Variants in TMX3 observed in about 807,000 individuals in gnomAD.
The protein encoded by TMX3 is thioredoxin related transmembrane protein 3.
In TMX3, 40 loss-of-function variants were observed where a neutral mutation model predicts 64.4. That is an observed-to-expected ratio of 0.62 (90% CI 0.48 to 0.81). TMX3 has a LOEUF of 0.81. Among genes scored for constraint, TMX3 ranks in the 30% least tolerant of loss-of-function variants. The pLI is 0.00. For missense variants in TMX3, 497 were observed against 534.5 expected (o/e 0.93, Z 0.69); for synonymous variants, 189 against 175.7 (o/e 1.08, Z -0.60).
chr18:68,689,814 T>TA (rs1464907554), intron 9 of TMX3: 1 of 152,230 alleles, frequency 6.6e-6, no homozygotes, highest in Non-Finnish European at 1.5e-5. Context: ...GCTATTTAAT[T>TA]ACACACCTGT....
intron 8 of TMX3, among the ~76,000 whole-genome samples, chr18:68,696,048 T>C (rs1045613178): frequency 9.2e-5 from 14 of 152,206 alleles, no homozygotes; most frequent in Admixed American, 9.2e-4. Context: ...CTCCTTCATA[T>C]CACGTAAAAG....
intron 8 of TMX3, among the ~76,000 whole-genome samples, chr18:68,692,604 T>C (rs1390143224): frequency 6.6e-6 from 1 of 152,220 alleles, no homozygotes; most frequent in Non-Finnish European, 1.5e-5. Flanking sequence ...TTATGGGCTT[T>C]GCACTTATTT....
At chr18:68,703,228 C>A (rs1414747854) in intron 4 of TMX3, among the ~76,000 whole-genome samples, 1 of 152,148 alleles carries the variant, frequency 6.6e-6, no homozygotes, top group African/African-American at 2.4e-5. Context: ...GAAATAAAAT[C>A]CCTTATTACC....
intron 10 of TMX3, chr18:68,687,270 A>C (rs1057388110): frequency 1.0e-6 from 1 of 985,304 alleles, no homozygotes; most frequent in African/African-American, 1.7e-5. Context: ...ACTTGAAGAA[A>C]CCATGCCAAT....
At chr18:68,688,974 A>G (rs987004165) in intron 9 of TMX3, 1 of 152,218 alleles carries the variant, frequency 6.6e-6, no homozygotes, top group Non-Finnish European at 1.5e-5. Context: ...TGACGGGATC[A>G]TTTGTACCCC....
intron 4 of TMX3, among the ~76,000 whole-genome samples, chr18:68,706,693 A>G (rs1442372041): frequency 6.6e-6 from 1 of 152,180 alleles, no homozygotes; most frequent in Non-Finnish European, 1.5e-5. Flanking sequence ...CTACAGGTAG[A>G]CTTAGAATAA....
intron 4 of TMX3, among the ~76,000 whole-genome samples, chr18:68,702,984 T>A (rs979645445): frequency 1.3e-5 from 2 of 152,190 alleles, no homozygotes; most frequent in Non-Finnish European, 2.9e-5. Flanking sequence ...AATTAAGAAC[T>A]CAAGTTCTGA....
chr18:68,714,668 C>T (rs1337326162), intron 1 of TMX3, among the ~76,000 whole-genome samples: 1 of 152,242 alleles, frequency 6.6e-6, no homozygotes, highest in Non-Finnish European at 1.5e-5. Flanking sequence ...AAACTTCTGC[C>T]ACAATGAGAA....
chr18:68,714,586 C>A (rs1217639241), intron 1 of TMX3: 139 of 377,020 alleles, frequency 3.7e-4, no homozygotes, highest in African/African-American at 2.8e-3. Context: ...GAACCTAAAG[C>A]CAAGGCAAGA....
intron 1 of TMX3, among the ~76,000 whole-genome samples, 154 bp from the exon 2 acceptor site, chr18:68,714,054 G>A (rs1568209911): frequency 6.6e-6 from 1 of 152,124 alleles, no homozygotes; most frequent in Non-Finnish European, 1.5e-5. Context: ...CAAAAGCAAA[G>A]GTAGTTCATC....
intron 2 of TMX3, among the ~76,000 whole-genome samples, chr18:68,711,658 C>A (rs775807943): frequency 6.6e-6 from 1 of 152,154 alleles, no homozygotes; most frequent in African/African-American, 2.4e-5. Flanking sequence ...GGTAGAAACA[C>A]AAACAGATGC....
chr18:68,682,663 A>G (rs1225611510), intron 13 of TMX3, among the ~76,000 whole-genome samples: 2 of 152,104 alleles, frequency 1.3e-5, no homozygotes, highest in Non-Finnish European at 2.9e-5. Flanking sequence ...CACGTTTTGG[A>G]ATAATGGCTT....
At chr18:68,700,948 A>T (rs2029997960) in intron 5 of TMX3, 5 of 984,918 alleles carry the variant, frequency 5.1e-6, no homozygotes, top group Non-Finnish European at 6.0e-6. Context: ...CATTAAAAAC[A>T]GCTCTTCTAG....
chr18:68,685,168 G>A (rs1296477530), intron 10 of TMX3, among the ~76,000 whole-genome samples: 1 of 152,142 alleles, frequency 6.6e-6, no homozygotes, highest in African/African-American at 2.4e-5. Context: ...AGCCACAGGG[G>A]AACAGGGAAG....
At chr18:68,686,886 C>G in intron 10 of TMX3, 1 of 985,106 alleles carries the variant, frequency 1.0e-6, no homozygotes, top group Non-Finnish European at 1.2e-6. Flanking sequence ...ACGTTACAAA[C>G]AGGAGAACAT....
chr18:68,699,364 G>A (rs112797322), intron 6 of TMX3, among the ~76,000 whole-genome samples: 1,676 of 152,130 alleles, frequency 0.011, 12 homozygotes, highest in African/African-American at 0.017. Flanking sequence ...GGAGGATTCA[G>A]TACCTCCCGC....
chr18:68,679,496 T>C lies in TMX3; in HGVS notation c.1071A>G (p.Lys357=). 1 of 1,612,440 alleles carries C rather than the reference T, an allele frequency of 6.2e-7. No homozygotes were observed. The highest frequency in any genetic ancestry group is 1.1e-5 in the South Asian group (1 of 90,854). Residue 357 remains lysine, a synonymous_variant, in exon 15 of 16, where the codon AAA becomes AAG. Transcript: ENST00000299608. ...QGGDSILQRL[K]RIVFDAKSTI... ...TAGATTTGGCATCAAATACTATTCT[T>C]TTCAATCTCTGCAAAATGCTATCAC...
intron 1 of TMX3, chr18:68,714,452 G>A (rs2031681865): frequency 6.1e-6 from 1 of 164,324 alleles, no homozygotes; most frequent in African/African-American, 2.4e-5. Context: ...AGGCAGCTGA[G>A]AACCGCTGAC....
intron 9 of TMX3, chr18:68,690,048 T>TTA (rs1222172870): frequency 1.3e-5 from 2 of 152,208 alleles, no homozygotes; most frequent in Non-Finnish European, 2.9e-5. Context: ...AAATGTAGTC[T>TTA]TATGACTGTC....
Sources: allele counts gnomAD v4.1 joint callset (sites outside exome capture counted in the v4.1 genomes callset), GRCh38; gene constraint gnomAD v4.1.1; transcripts MANE v1.5; gene names NCBI Gene and HGNC (gene_info 2026-07-23, HGNC 2026-07-21).